The following GRIK2 variants were observed in gnomAD, a reference collection of about 807,000 sequenced individuals.
GRIK2 encodes the protein glutamate ionotropic receptor kainate type subunit 2.
GRIK2 carries 32 observed loss-of-function variants against 100.3 expected under a neutral mutation model. The observed-to-expected ratio is 0.32, with a 90% CI of 0.24 to 0.43. GRIK2 has a LOEUF of 0.43. Ranked by LOEUF, GRIK2 falls within the 20% of genes least tolerant of loss-of-function variation. GRIK2 has a pLI of 1.00. For synonymous variants in GRIK2, 417 were observed against 389.4 expected (o/e 1.07, Z -0.83); for missense variants, 843 against 1,114.9 (o/e 0.76, Z 3.47).
intron 10 of GRIK2, among the ~76,000 whole-genome samples, chr6:101,844,147 A>G (rs2128436373): frequency 6.6e-6 from 1 of 152,340 alleles, no homozygotes; most frequent in South Asian, 2.1e-4. Flanking sequence ...TTGAAAGTGT[A>G]AAGAGAAAAC....
At chr6:101,984,765 A>AT (rs889749820) in intron 14 of GRIK2, among the ~76,000 whole-genome samples, 10 of 151,768 alleles carry the variant, frequency 6.6e-5, no homozygotes, top group African/African-American at 2.2e-4. Context: ...TTTTCATAAC[A>AT]TTTTTTCAGG....
chr6:101,971,085 T>C (rs1445966133), intron 14 of GRIK2, among the ~76,000 whole-genome samples: 3 of 150,786 alleles, frequency 2.0e-5, no homozygotes, highest in Non-Finnish European at 4.4e-5. Context: ...CTTCTAAATT[T>C]TAGAAAAAGT....
At chr6:101,476,434 T>A (rs1772233078) in intron 2 of GRIK2, among the ~76,000 whole-genome samples, 1 of 152,152 alleles carries the variant, frequency 6.6e-6, no homozygotes, top group African/African-American at 2.4e-5. Context: ...TGGGAACTTT[T>A]CAAACGGACA....
chr6:102,039,610 G>A (rs1295153005), intron 15 of GRIK2, among the ~76,000 whole-genome samples: 1 of 151,358 alleles, frequency 6.6e-6, no homozygotes, highest in Non-Finnish European at 1.5e-5. Flanking sequence ...CTCCTTAATA[G>A]CATTTTTGGC....
chr6:101,756,402 G>A (rs1238441055), intron 7 of GRIK2, among the ~76,000 whole-genome samples: 1 of 142,756 alleles, frequency 7.0e-6, no homozygotes, highest in Admixed American at 6.8e-5. Context: ...ATTTATAAAT[G>A]GTTACATTTA....
intron 4 of GRIK2, among the ~76,000 whole-genome samples, chr6:101,635,332 A>G (rs182067509): frequency 6.4e-4 from 98 of 152,152 alleles, no homozygotes; most frequent in African/African-American, 2.3e-3. Context: ...AATCATAAAA[A>G]TTTTTTTAGA....
chr6:101,857,315 G>A lies in GRIK2; in HGVS notation c.1318-1972G>A, dbSNP rs577583746. Among the ~76,000 whole-genome samples, 7 of 152,294 alleles carry A rather than the reference G, an allele frequency of 4.6e-5. No homozygotes were observed. The South Asian group carries it at 6.2e-4, about 14-fold the overall frequency. On this transcript the variant is annotated intron_variant, in intron 10 of 16. Transcript: ENST00000369134. Reference sequence around the variant, plus strand: ...AAATCAGGTGAAGATACGAAACAACGTGCCAATCTCTGACCAGGACTTCTC... The same window carrying A: ...AAATCAGGTGAAGATACGAAACAACATGCCAATCTCTGACCAGGACTTCTC...
chr6:101,790,010 T>C (rs373023364), intron 7 of GRIK2, among the ~76,000 whole-genome samples: 10 of 152,118 alleles, frequency 6.6e-5, no homozygotes, highest in Admixed American at 2.0e-4. Context: ...CTCTGTTTGT[T>C]TGTTATTGGT....
intron 2 of GRIK2, among the ~76,000 whole-genome samples, chr6:101,459,189 T>C (rs1582497758): frequency 6.6e-6 from 1 of 152,260 alleles, no homozygotes; most frequent in East Asian, 1.9e-4. Flanking sequence ...ATGCATGATT[T>C]CTAGCCTAAT....
chr6:101,973,958 T>C (rs1793214351), intron 14 of GRIK2, among the ~76,000 whole-genome samples: 1 of 151,918 alleles, frequency 6.6e-6, no homozygotes, highest in Non-Finnish European at 1.5e-5. Flanking sequence ...AGTAATATAT[T>C]GAGAAGAAAT....
At chr6:101,520,793 A>G (rs1736085174) in intron 2 of GRIK2, among the ~76,000 whole-genome samples, 2 of 152,270 alleles carry the variant, frequency 1.3e-5, no homozygotes, top group East Asian at 3.9e-4. Context: ...ATGCTATGCA[A>G]TGGCACATGA....
intron 10 of GRIK2, among the ~76,000 whole-genome samples, chr6:101,849,039 C>G (rs1337638168): frequency 3.3e-5 from 5 of 151,244 alleles, no homozygotes; most frequent in African/African-American, 1.2e-4. Flanking sequence ...AGTTTAGATG[C>G]CTGAAATCAA....
intron 14 of GRIK2, among the ~76,000 whole-genome samples, chr6:101,976,919 G>A (rs1365611327): frequency 6.6e-6 from 1 of 151,896 alleles, no homozygotes; most frequent in Non-Finnish European, 1.5e-5. Flanking sequence ...TGGAATAGTG[G>A]AATAGTGGAA....
intron 12 of GRIK2, among the ~76,000 whole-genome samples, chr6:101,904,894 A>G (rs1788120309): frequency 6.6e-6 from 1 of 151,666 alleles, no homozygotes; most frequent in South Asian, 2.1e-4. Flanking sequence ...TTTCATCCAC[A>G]GTTGTGAAAC....
chr6:101,968,027 A>G (rs1792799947), intron 14 of GRIK2, among the ~76,000 whole-genome samples: 1 of 151,956 alleles, frequency 6.6e-6, no homozygotes, highest in African/African-American at 2.4e-5. Context: ...TCTCTCTGAG[A>G]ACTAGAAAAG....
intron 14 of GRIK2, among the ~76,000 whole-genome samples, chr6:101,942,155 A>G (rs1040101985): frequency 4.6e-5 from 7 of 152,100 alleles, no homozygotes; most frequent in Non-Finnish European, 1.5e-5. Context: ...TTTTTCCTTG[A>G]TGTGATTTGG....
intron 4 of GRIK2, among the ~76,000 whole-genome samples, chr6:101,633,990 G>T (rs186365450): frequency 2.8e-3 from 429 of 151,684 alleles, no homozygotes; most frequent in African/African-American, 8.7e-3. Flanking sequence ...TTTTGTGGGG[G>T]TTTTTTTTGG....
At chr6:101,887,610 G>A (rs1351517600) in intron 11 of GRIK2, among the ~76,000 whole-genome samples, 6 of 152,096 alleles carry the variant, frequency 3.9e-5, no homozygotes, top group Non-Finnish European at 8.8e-5. Flanking sequence ...AGGTTCAATT[G>A]ACTTACAGTT....
chr6:101,437,959 C>T (rs1402164182), intron 2 of GRIK2, among the ~76,000 whole-genome samples: 6 of 151,974 alleles, frequency 3.9e-5, no homozygotes, highest in African/African-American at 9.7e-5. Flanking sequence ...AAGCAGTGGG[C>T]GGAGAATGTA....
Sources: gnomAD v4.1 joint callset for allele counts (sites outside exome capture counted in the v4.1 genomes callset) on GRCh38, gnomAD v4.1.1 for gene constraint, MANE v1.5 for transcripts, NCBI Gene and HGNC (gene_info 2026-07-23, HGNC 2026-07-21) for gene names.